The following TCTN3 variants were observed in gnomAD, a reference collection of about 807,000 sequenced individuals.
TCTN3 encodes tectonic family member 3.
TCTN3 carries 57 observed loss-of-function variants against 71.3 expected under a neutral mutation model. That is an observed-to-expected ratio of 0.80 (90% CI 0.65 to 1.00). The LOEUF (loss-of-function observed/expected upper bound fraction) is 1.00. TCTN3 is among the 50% of genes least tolerant of loss of function. The probability of loss-of-function intolerance (pLI) is 0.00; values close to 1 mark genes in which losing one functional copy is unlikely to be tolerated. For missense variants in TCTN3, 696 were observed against 719.9 expected (o/e 0.97, Z 0.38); for synonymous variants, 258 against 267.8 (o/e 0.96, Z 0.36).
chr10:95,679,543 C>CAGTTTAT (rs893917838), intron 13 of TCTN3, among the ~76,000 whole-genome samples: 2 of 149,878 alleles, frequency 1.3e-5, no homozygotes, highest in African/African-American at 4.9e-5. Context: ...ATTGGCATGC[C>CAGTTTAT]AGTTTATATG....
rs199925849 is a variant in TCTN3 at position 95,666,640 on chromosome 10, T to TG, written c.1591-2341dup. Among the ~76,000 whole-genome samples, 696 of 152,324 alleles carry TG rather than the reference T, an allele frequency of 4.6e-3. 5 individuals are homozygous for TG. Among genetic ancestry groups the TG allele is most frequent in the Middle Eastern group, 0.01 (3 of 294 alleles). ...CTGCAAAATGCCTGGTGACCTATAC[T>TG]GGCTGAAATGGTGAGAAATACTTTG... On this transcript the variant is annotated intron_variant, in intron 13 of 13. Transcript: ENST00000371217.
At chr10:95,683,739 G>A (rs1387481686) in intron 9 of TCTN3, 110 bp from the exon 10 acceptor site, 1 of 850,696 alleles carries the variant, frequency 1.2e-6, no homozygotes, top group East Asian at 2.6e-5. Context: ...CAATAAGTGA[G>A]CTACACTGAA....
chr10:95,685,832 C>G (rs537919855), intron 7 of TCTN3, among the ~76,000 whole-genome samples, 196 bp from the exon 8 acceptor site: 10 of 152,302 alleles, frequency 6.6e-5, no homozygotes, highest in African/African-American at 1.9e-4. Context: ...TCTCAGAACA[C>G]TAGTTCTATT....
intron 11 of TCTN3, 72 bp downstream of exon 11, chr10:95,683,027 TAA>T (rs1473573410): frequency 1.4e-6 from 2 of 1,440,382 alleles, no homozygotes; most frequent in East Asian, 2.3e-5. Context: ...ATTAAAAATA[TAA>T]AAGTTACCAT....
Position 95,683,589 on chromosome 10 carries a change from C to G in TCTN3, c.1136G>C (p.Arg379Thr), listed in dbSNP as rs2097945366. The G allele has an allele frequency of 6.2e-7, 1 of 1,614,008 alleles. No homozygotes were observed. ...QSTAASLTSPRSGNPGYIVGK... is the reference protein window; with the variant it reads ...QSTAASLTSPTSGNPGYIVGK... ...AACTATATAGCCAGGATTCCCACTT[C>G]TAGGACTGGTGAGAGAAGCAGCTGT... Residue 379 changes from arginine (R) to threonine (T), a missense_variant, in exon 10 of 14, where the codon AGA becomes ACA. Physicochemically the swap from Arg to Thr is moderately conservative, Grantham distance 71 (BLOSUM62 -1). Transcript: ENST00000371217.
At chr10:95,666,009 C>T (rs528164128) in intron 13 of TCTN3, among the ~76,000 whole-genome samples, 4 of 151,122 alleles carry the variant, frequency 2.6e-5, no homozygotes, top group African/African-American at 4.9e-5. Context: ...GGCGTGATCT[C>T]GGCTCACTGC....
chr10:95,664,054 T>G lies in TCTN3; in HGVS notation c.*13A>C, dbSNP rs768066158. Reference sequence around the variant, plus strand: ...CTCATAGGGAAAACTGAAATCTGATTATTTTCTTTTCTTCACATAGTCTCT... The same window carrying G: ...CTCATAGGGAAAACTGAAATCTGATGATTTTCTTTTCTTCACATAGTCTCT... On this transcript the variant is annotated 3_prime_UTR_variant, in exon 14 of 14. Coordinates refer to ENST00000371217, the MANE Select transcript of TCTN3 (RefSeq NM_015631.6). 1.3e-5 allele frequency: 21 copies of G among 1,611,068 alleles called. No homozygotes were observed. Among genetic ancestry groups the G allele is most frequent in the Middle Eastern group, 3.3e-4 (2 of 6,080 alleles).
In TCTN3 at chr10:95,683,075, G is replaced by A. The variant is rs192573035; in HGVS notation, c.1298+26C>T. On this transcript the variant is annotated intron_variant, in intron 11 of 13. Transcript: ENST00000371217. ...TCCCTACATATTCCCGAAATTGCAG[G>A]AAATGATGCGGAAGCAAAGAACTAC... The A allele has an allele frequency of 2.6e-5, 42 of 1,593,456 alleles. No individual in the cohort carries two copies. The East Asian group carries it at 3.8e-4, about 14-fold the overall frequency.
rs1440853995 is a variant in TCTN3, at chr10:95,686,897, G to A, written c.852+147C>T. On this transcript the variant is annotated intron_variant, in intron 6 of 13. Transcript: ENST00000371217. ...TCCCCAATTATTTCATTTGTCTTCA[G>A]ATGTGGTTTCCAGGCCCTCTGTCTT... The A allele has an allele frequency of 1.1e-5, 7 of 651,558 alleles. No homozygotes were observed. The East Asian group carries it at 1.9e-4, about 18-fold the overall frequency. 40.4% of individuals were successfully genotyped at this position (651,558 alleles called of 1,614,324 possible). A position where few individuals can be genotyped will look rare whatever the true frequency, so the allele number is the denominator to read the frequency against.
intron 13 of TCTN3, among the ~76,000 whole-genome samples, chr10:95,676,824 A>C (rs1304256317): frequency 1.3e-5 from 2 of 152,216 alleles, no homozygotes; most frequent in African/African-American, 4.8e-5. Flanking sequence ...TATTTACTGA[A>C]TATATACTAC....
intron 13 of TCTN3, among the ~76,000 whole-genome samples, chr10:95,664,700 G>A (rs2097924284): frequency 6.6e-6 from 1 of 152,152 alleles, no homozygotes; most frequent in South Asian, 2.1e-4. Flanking sequence ...CTTCTCCAAT[G>A]GCAGAAAGAA....
At chr10:95,680,772 C>T (rs1342198531) in intron 12 of TCTN3, among the ~76,000 whole-genome samples, 163 bp from the exon 13 acceptor site, 1 of 148,534 alleles carries the variant, frequency 6.7e-6, no homozygotes, top group Non-Finnish European at 1.5e-5. Flanking sequence ...TGTTATTATT[C>T]CTGATCTTTT....
chr10:95,692,732 T>C (rs1205775050), intron 3 of TCTN3, 188 bp downstream of exon 3: 3 of 566,686 alleles, frequency 5.3e-6, no homozygotes, highest in African/African-American at 3.8e-5. Context: ...CAACACAAAT[T>C]TGTAAACTTT....
intron 13 of TCTN3, among the ~76,000 whole-genome samples, chr10:95,668,652 C>A (rs938466231): frequency 2.0e-5 from 3 of 150,810 alleles, no homozygotes; most frequent in African/African-American, 7.3e-5. Flanking sequence ...CTTCCCCCCC[C>A]AAATTATTAG....
intron 13 of TCTN3, among the ~76,000 whole-genome samples, chr10:95,677,474 G>GGTTTTT (rs2097938217): frequency 1.2e-5 from 1 of 80,738 alleles, no homozygotes; most frequent in Non-Finnish European, 3.0e-5. Context: ...GAAGTCTACA[G>GGTTTTT]TTTTTTTTGT....
At chr10:95,691,211 C>T (rs2097953233) in intron 3 of TCTN3, among the ~76,000 whole-genome samples, 1 of 152,162 alleles carries the variant, frequency 6.6e-6, no homozygotes, top group Non-Finnish European at 1.5e-5. Context: ...TTCTGTTACC[C>T]AGGTTGGAGT....
At chr10:95,688,577 A>G (rs2097950836) in intron 3 of TCTN3, among the ~76,000 whole-genome samples, 1 of 152,132 alleles carries the variant, frequency 6.6e-6, no homozygotes, top group Non-Finnish European at 1.5e-5. Flanking sequence ...TGTTTCCTCT[A>G]CACTTCAACT....
chr10:95,676,550 TG>T (rs2097937361), intron 13 of TCTN3, among the ~76,000 whole-genome samples: 1 of 152,142 alleles, frequency 6.6e-6, no homozygotes, highest in Non-Finnish European at 1.5e-5. Context: ...TCACAAATTG[TG>T]GGTGCACTGG....
At chr10:95,672,408 T>C (rs1014958175) in intron 13 of TCTN3, among the ~76,000 whole-genome samples, 2 of 152,140 alleles carry the variant, frequency 1.3e-5, no homozygotes, top group African/African-American at 4.8e-5. Flanking sequence ...TAATGTCTCT[T>C]GGGTAAACAC....
Sources: gnomAD v4.1 joint callset for allele counts (sites outside exome capture counted in the v4.1 genomes callset) on GRCh38, gnomAD v4.1.1 for gene constraint, MANE v1.5 for transcripts, NCBI Gene and HGNC (gene_info 2026-07-23, HGNC 2026-07-21) for gene names.